Variants in EXD1 observed in about 807,000 individuals in gnomAD.
The protein encoded by EXD1 is piRNA biogenesis protein EXD1.
EXD1 carries 63 observed loss-of-function variants against 49.1 expected under a neutral mutation model. The observed-to-expected ratio is 1.28, with a 90% confidence interval of 1.05 to 1.58. EXD1 has a LOEUF of 1.58. Ranked by LOEUF, EXD1 falls within the 40% of genes most tolerant of loss-of-function variation. The pLI, the probability that EXD1 is intolerant of heterozygous loss-of-function variation, is 0.00. For synonymous variants in EXD1, 234 were observed against 239.2 expected, an observed-to-expected ratio of 0.98 and a Z score of 0.20; for missense variants, 748 against 666.0, an observed-to-expected ratio of 1.12 and a Z score of -1.36.
chr15:41,183,832 T>C lies in EXD1; in HGVS notation c.*99A>G. On this transcript the variant is annotated 3_prime_UTR_variant, in exon 12 of 12. Coordinates refer to ENST00000458580, the MANE Select transcript of EXD1 (RefSeq NM_001286441.2). ...ATAATTTTCCCCTGTGACTGAAGCA[T>C]TACTACATTTACAACATGAGAAACC... The C allele has an allele frequency of 1.7e-6, 2 of 1,192,696 alleles. No individual in the cohort carries two copies. The highest frequency in any genetic ancestry group is 2.3e-6 in the Non-Finnish European group (2 of 851,672). The allele number at this position is 1,192,696 out of a possible 1,614,324, so 73.9% of individuals were successfully genotyped here. A position where few individuals can be genotyped will look rare whatever the true frequency, so the allele number is the denominator to read the frequency against.
At position 41,230,598 on chromosome 15, in the gene EXD1, AAAG is replaced by A; in HGVS notation, c.-176_-174del. ...TTCCTCGAACTTCAGTCTAGAACTA[AAAG>A]AAGAGGGGCTGCAATGAAGGAAGAA... On this transcript the variant is annotated 5_prime_UTR_variant, in exon 1 of 12. Coordinates refer to ENST00000458580, the MANE Select transcript of EXD1 (RefSeq NM_001286441.2). The A allele has an allele frequency of 1.3e-6, 2 of 1,582,476 alleles. No individual in the cohort carries two copies. Among genetic ancestry groups the A allele is most frequent in the East Asian group, 4.5e-5 (2 of 44,608 alleles).
At chr15:41,217,410 C>G (rs2140895925) in intron 3 of EXD1, among the ~76,000 whole-genome samples, 1 of 152,290 alleles carries the variant, frequency 6.6e-6, no homozygotes, top group South Asian at 2.1e-4. Flanking sequence ...TATACATCCC[C>G]TTCACCCTTT....
At chr15:41,213,647 C>T (rs1421448991) in intron 6 of EXD1, among the ~76,000 whole-genome samples, 1 of 152,020 alleles carries the variant, frequency 6.6e-6, no homozygotes, top group African/African-American at 2.4e-5. Flanking sequence ...TACAAGTGCC[C>T]ACCACCACAC....
At chr15:41,229,349 G>A (rs1296087577) in intron 1 of EXD1, among the ~76,000 whole-genome samples, 1 of 151,940 alleles carries the variant, frequency 6.6e-6, no homozygotes, top group African/African-American at 2.4e-5. Flanking sequence ...GTGGTGGCAC[G>A]CGCCTGTAAT....
rs866394731 is a variant in EXD1, at chr15:41,184,571, T to C, written c.1079A>G (p.Glu360Gly). Residue 360 changes from glutamate (E) to glycine (G), a missense_variant, in exon 12 of 12, where the codon GAG (glutamate) becomes GGG (glycine). Glu to Gly is a moderately conservative substitution (Grantham distance 98). Transcript: ENST00000458580. ...GTEPTCMELP[E>G]ELLQLKDFQK... Reference sequence around the variant, plus strand: ...GAAGTCCTTGAGTTGAAGCAGTTCCTCTGGCAGCTCCATACATGTAGGCTA... The same window carrying C: ...GAAGTCCTTGAGTTGAAGCAGTTCCCCTGGCAGCTCCATACATGTAGGCTA... 1 of 1,599,280 alleles carries C rather than the reference T, an allele frequency of 6.3e-7. No individual in the cohort carries two copies. The highest frequency in any genetic ancestry group is 1.4e-5 in the African/African-American group (1 of 74,014).
At chr15:41,205,333 G>A (rs1327474186) in intron 7 of EXD1, among the ~76,000 whole-genome samples, 1 of 152,148 alleles carries the variant, frequency 6.6e-6, no homozygotes, top group Non-Finnish European at 1.5e-5. Context: ...TGGCAGAATC[G>A]TGTTTTTGTT....
At position 41,184,386 on chromosome 15, in the gene EXD1, T is replaced by C; in HGVS notation, c.1264A>G (p.Lys422Glu). 1 of 1,614,112 alleles carries C rather than the reference T, an allele frequency of 6.2e-7. No individual in the cohort carries two copies. ...TCTTGAGATGTAAAACTTGGAGCTT[T>C]ATCTATCCTAAAATTTTTACCAAAT... ...FLFGKNFRID[K>E]APSFTSQDFH... Residue 422 changes from lysine to glutamate, a missense_variant, in exon 12 of 12, where the codon AAA becomes GAA. By Grantham distance (56) the Lys-to-Glu change is moderately conservative. Coordinates refer to ENST00000458580, the MANE Select transcript of EXD1 (RefSeq NM_001286441.2).
In EXD1 at chr15:41,183,776, AT is replaced by A. The variant is rs1258078403; in HGVS notation, c.*154del. ...TAACTTATTCATTCTCATTCTCCGC[AT>A]ACCAGGAACACAGGAGTAAGCAAGA... On this transcript the variant is annotated 3_prime_UTR_variant, in exon 12 of 12. Coordinates refer to ENST00000458580, the MANE Select transcript of EXD1 (RefSeq NM_001286441.2). 1.6e-6 allele frequency: 1 copy of A among 612,200 alleles called. No homozygotes were observed. The highest frequency in any genetic ancestry group is 2.7e-6 in the Non-Finnish European group (1 of 365,618). The allele number at this position is 612,200 out of a possible 1,614,324, so 37.9% of individuals were successfully genotyped here.
chr15:41,191,513 T>A lies in EXD1; in HGVS notation c.793A>T (p.Ser265Cys). The change falls in exon 10 of 12, where the codon AGT (serine) becomes TGT (cysteine). Residue 265 changes from serine (S) to cysteine (C), a missense_variant. Transcript: ENST00000458580. ...LPNCITTLQE[S>C]LIKHLQVAPK... ...GCTACTTGAAGGTGTTTGATTAAAC[T>A]CTCCTGCAAAGTAGTGATGCAGTTT... 1 of 1,613,886 alleles carries A rather than the reference T, an allele frequency of 6.2e-7. No individual in the cohort carries two copies. Among genetic ancestry groups the A allele is most frequent in the Non-Finnish European group, 8.5e-7 (1 of 1,179,778 alleles).
intron 2 of EXD1, among the ~76,000 whole-genome samples, chr15:41,226,052 A>C (rs897093848): frequency 3.9e-5 from 6 of 152,080 alleles, no homozygotes; most frequent in African/African-American, 1.4e-4. Flanking sequence ...GGAGATCGAG[A>C]CCATCCTGGC....
chr15:41,199,734 T>TATATC lies in EXD1; in HGVS notation c.535-3698_535-3697insGATAT, dbSNP rs1566980656. Among the ~76,000 whole-genome samples the TATATC allele has an allele frequency of 1.9e-3, 121 of 65,236 alleles. 5 individuals are homozygous for TATATC. The highest frequency in any genetic ancestry group is 5.1e-3 in the African/African-American group (99 of 19,364). The allele number at this position is 65,236 out of a possible 152,430, so 42.8% of individuals were successfully genotyped here. On this transcript the variant is annotated intron_variant, in intron 7 of 11. Transcript: ENST00000458580. ...TATATATGATATATTATATATGATA[T>TATATC]ATATGTCATATATTATATATGATAC...
chr15:41,213,265 G>A (rs538052606), intron 6 of EXD1, among the ~76,000 whole-genome samples: 2 of 151,518 alleles, frequency 1.3e-5, no homozygotes, highest in Non-Finnish European at 2.9e-5. Context: ...GCAGTGGCAC[G>A]ATCTTGGCTC....
At chr15:41,197,496 T>C (rs899976086) in intron 7 of EXD1, among the ~76,000 whole-genome samples, 1 of 151,750 alleles carries the variant, frequency 6.6e-6, no homozygotes, top group Admixed American at 6.6e-5. Flanking sequence ...CCCAAAGCGC[T>C]GGGATTACAG....
chr15:41,191,642 A>G, intron 9 of EXD1, 57 bp from the exon 10 acceptor site: 3 of 1,476,314 alleles, frequency 2.0e-6, no homozygotes, highest in Non-Finnish European at 2.8e-6. Flanking sequence ...GAGCTATCTC[A>G]TGCCAGAAAT....
Position 41,226,502 on chromosome 15 carries a change from C to G in EXD1, c.74G>C (p.Gly25Ala), listed in dbSNP as rs1487867503. ...ATGCTGAAGCACACCCTCGAAGACA[C>G]CACAGACCAATGTGAGTTTCACCCT... ...WKRVKLTLVC[G>A]VFEGVLQHVD... Residue 25 changes from glycine (G) to alanine (A), a missense_variant, in exon 2 of 12, where the codon GGT becomes GCT. By Grantham distance (60) the Gly-to-Ala change is moderately conservative. Coordinates refer to ENST00000458580, the MANE Select transcript of EXD1 (RefSeq NM_001286441.2). 2.0e-6 allele frequency: 3 copies of G among 1,535,950 alleles called. No homozygotes were observed. Among genetic ancestry groups the G allele is most frequent in the African/African-American group, 1.4e-5 (1 of 73,040 alleles).
intron 2 of EXD1, among the ~76,000 whole-genome samples, chr15:41,223,964 A>G (rs901164769): frequency 1.3e-5 from 2 of 152,100 alleles, no homozygotes; most frequent in Non-Finnish European, 2.9e-5. Flanking sequence ...CTCAAGCAAT[A>G]CTGCCTTACC....
intron 7 of EXD1, among the ~76,000 whole-genome samples, chr15:41,208,699 C>T (rs1353077936): frequency 6.6e-6 from 1 of 151,936 alleles, no homozygotes; most frequent in South Asian, 2.1e-4. Flanking sequence ...TTGCAGCGAG[C>T]CGAGATGCAC....
At position 41,222,582 on chromosome 15, in the gene EXD1, A is replaced by G. The variant is rs543965281; in HGVS notation, c.134-2684T>C. Among the ~76,000 whole-genome samples the G allele has an allele frequency of 1.5e-4, 23 of 150,910 alleles. 1 individual carries two copies. The highest frequency in any genetic ancestry group is 5.3e-4 in the African/African-American group (22 of 41,122). The stretch of plus-strand genomic sequence containing the variant: ...ATCTTTCTATCAGAGAGGATCTCAC[A>G]CTCCATTATACCTGTCTACCTATTT... On this transcript the variant is annotated intron_variant, in intron 2 of 11. Transcript: ENST00000458580.
chr15:41,192,921 C>T (rs1217716112), intron 9 of EXD1, among the ~76,000 whole-genome samples: 1 of 151,232 alleles, frequency 6.6e-6, no homozygotes, highest in Non-Finnish European at 1.5e-5. Context: ...TCAGCCTCTC[C>T]AAGTAGCTGG....
Sources: gnomAD v4.1 joint callset for allele counts (sites outside exome capture counted in the v4.1 genomes callset) on GRCh38, gnomAD v4.1.1 for gene constraint, MANE v1.5 for transcripts, NCBI Gene and HGNC (gene_info 2026-07-23, HGNC 2026-07-21) for gene names.